Variants in DNAI4 observed in about 807,000 individuals in gnomAD.
DNAI4 encodes WD repeat domain 78.
Under a neutral mutation model 105.8 loss-of-function variants are expected in DNAI4, and 85 were observed. The observed-to-expected ratio is 0.80, with a 90% CI of 0.67 to 0.96. The LOEUF (loss-of-function observed/expected upper bound fraction) is 0.96. DNAI4 is among the 40% of genes least tolerant of loss of function. The probability of loss-of-function intolerance (pLI) is 0.00; values close to 1 mark genes in which losing one functional copy is unlikely to be tolerated. For synonymous variants in DNAI4, 352 were observed against 331.5 expected, an observed-to-expected ratio of 1.06 and a Z score of -0.67; for missense variants, 1,014 against 1,005.6, an observed-to-expected ratio of 1.01 and a Z score of -0.11.
intron 13 of DNAI4, among the ~76,000 whole-genome samples, chr1:66,829,033 T>C (rs1358590148): frequency 6.6e-6 from 1 of 152,154 alleles, no homozygotes; most frequent in Non-Finnish European, 1.5e-5. Context: ...GAACAACCTC[T>C]ATGTGGGAAA....
intron 1 of DNAI4, among the ~76,000 whole-genome samples, chr1:66,920,761 G>A (rs1224425930): frequency 6.6e-6 from 1 of 152,190 alleles, no homozygotes; most frequent in Non-Finnish European, 1.5e-5. Flanking sequence ...ATAATAATTA[G>A]ATTACAATGG....
chr1:66,837,496 T>C, intron 10 of DNAI4: 1 of 577,140 alleles, frequency 1.7e-6, no homozygotes, highest in Non-Finnish European at 3.0e-6. Context: ...ATAGTACACA[T>C]TCAATAAATA....
chr1:66,822,426 C>G lies in DNAI4; in HGVS notation c.2431G>C (p.Asp811His). The change falls in exon 16 of 17, where the codon GAC (aspartate) becomes CAC (histidine). Residue 811 changes from aspartate to histidine, a missense_variant. Coordinates refer to ENST00000371026, the MANE Select transcript of DNAI4 (RefSeq NM_024763.5). ...AKQTDCLLVG[D>H]SDGQVSVYEL... The stretch of plus-strand genomic sequence containing the variant: ...TACACAGAAACCTGTCCATCACTGT[C>G]TCCTACCAGAAGGCAATCTGTTTGT... 2 of 1,613,694 alleles carry G rather than the reference C, an allele frequency of 1.2e-6. No individual in the cohort carries two copies. The highest frequency in any genetic ancestry group is 1.7e-5 in the Admixed American group (1 of 59,956).
chr1:66,924,678 G>A lies in DNAI4; in HGVS notation c.154C>T (p.Gln52Ter). ...GGAACTTACAACCCGAAGTTCTGCTGCTTGTGACTGCCTGCCGGAGAGACT... is the reference window on the plus strand; with the variant it reads ...GGAACTTACAACCCGAAGTTCTGCTACTTGTGACTGCCTGCCGGAGAGACT... ...MPVSPAGSHK[Q>*]QNFGLNNATQ... The change falls in exon 1 of 17, where the codon CAG becomes TAG. Residue 52 changes from glutamine to a stop codon, truncating the protein, a stop_gained. Transcript: ENST00000371026. LOFTEE classifies it high-confidence loss of function. The A allele has an allele frequency of 1.2e-6, 2 of 1,614,248 alleles. No homozygotes were observed. The highest frequency in any genetic ancestry group is 1.7e-6 in the Non-Finnish European group (2 of 1,180,048).
intron 6 of DNAI4, chr1:66,871,149 T>C: frequency 2.1e-6 from 1 of 471,810 alleles, no homozygotes; most frequent in South Asian, 5.0e-5. Context: ...ATAGTATGCA[T>C]AAAAACCAAG....
At position 66,835,756 on chromosome 1, in the gene DNAI4, T is replaced by C. The variant is rs1479990737; in HGVS notation, c.1603A>G (p.Ser535Gly). 1.9e-6 allele frequency: 3 copies of C among 1,613,968 alleles called. No homozygotes were observed. The highest frequency in any genetic ancestry group is 2.7e-5 in the African/African-American group (2 of 74,928). The change falls in exon 11 of 17, where the codon AGT becomes GGT. Residue 535 changes from serine (S) to glycine (G), a missense_variant. Coordinates refer to ENST00000371026, the MANE Select transcript of DNAI4 (RefSeq NM_024763.5). Reference sequence around the variant, plus strand: ...TCCACAGCAGTAACTCCATATGGACTCTGATAAATACGTTCTGGCCACTAA... The same window carrying C: ...TCCACAGCAGTAACTCCATATGGACCCTGATAAATACGTTCTGGCCACTAA... ...NPMWPERIYQ[S>G]PYGVTAVDFS...
chr1:66,863,450 T>A (rs980451056), intron 6 of DNAI4, among the ~76,000 whole-genome samples: 13 of 152,214 alleles, frequency 8.5e-5, no homozygotes, highest in South Asian at 8.3e-4. Flanking sequence ...TTTTTTTGTT[T>A]GTTTATTTGT....
At chr1:66,839,433 TTC>T (rs776889899) in intron 9 of DNAI4, among the ~76,000 whole-genome samples, 13 of 152,210 alleles carry the variant, frequency 8.5e-5, no homozygotes, top group Non-Finnish European at 1.6e-4. Flanking sequence ...ATTATAGACT[TTC>T]TGTTTTTTAA....
intron 1 of DNAI4, among the ~76,000 whole-genome samples, chr1:66,906,762 C>T (rs893051601): frequency 1.3e-5 from 2 of 151,052 alleles, no homozygotes; most frequent in Non-Finnish European, 2.9e-5. Flanking sequence ...AAGGACTTAA[C>T]CCCCAACATC....
chr1:66,893,063 G>GAAAAAGAA (rs60123348), intron 3 of DNAI4, among the ~76,000 whole-genome samples, 166 bp downstream of exon 3: 1 of 89,542 alleles, frequency 1.1e-5, no homozygotes, highest in African/African-American at 4.9e-5. Flanking sequence ...AAGAGAGAGA[G>GAAAAAGAA]AGAAAGAAAG....
chr1:66,844,573 T>G (rs548345113), intron 8 of DNAI4, among the ~76,000 whole-genome samples: 1 of 151,638 alleles, frequency 6.6e-6, no homozygotes, highest in East Asian at 1.9e-4. Context: ...AAAAAATGAA[T>G]AAATAAATAA....
intron 1 of DNAI4, among the ~76,000 whole-genome samples, 179 bp from the exon 2 acceptor site, chr1:66,905,554 T>C (rs1027525836): frequency 6.6e-5 from 10 of 152,210 alleles, no homozygotes; most frequent in Non-Finnish European, 1.2e-4. Flanking sequence ...AGTTGGCATA[T>C]ATTACATCAC....
At chr1:66,876,360 CT>C (rs1157879397) in intron 4 of DNAI4, among the ~76,000 whole-genome samples, 2 of 152,088 alleles carry the variant, frequency 1.3e-5, no homozygotes, top group Non-Finnish European at 1.5e-5. Context: ...CCAGATCTTC[CT>C]TTGCAATTTA....
rs765501163 is a variant in DNAI4 at position 66,862,166 on chromosome 1, T to G, written c.1077A>C (p.Pro359=). The change falls in exon 7 of 17, where the codon CCA becomes CCC. Residue 359 remains proline (P), a synonymous_variant. Coordinates refer to ENST00000371026, the MANE Select transcript of DNAI4 (RefSeq NM_024763.5). The part of the protein sequence containing the change: ...VLPKDQDQRL[P]GSTTEKNSET... Reference sequence around the variant, plus strand: ...TCTTACTTTTTTCTGTAGTGCTCCCTGGCAATCTTTGGTCCTGATCTTTAG... The same window carrying G: ...TCTTACTTTTTTCTGTAGTGCTCCCGGGCAATCTTTGGTCCTGATCTTTAG... The G allele has an allele frequency of 3.2e-6, 5 of 1,585,286 alleles. No homozygotes were observed. In the South Asian group the frequency reaches 5.9e-5, roughly 19 times the overall value.
intron 16 of DNAI4, 67 bp from the exon 17 acceptor site, chr1:66,814,247 A>T: frequency 1.6e-6 from 2 of 1,256,298 alleles, no homozygotes; most frequent in East Asian, 4.7e-5. Flanking sequence ...GTAGTCTTTA[A>T]AATGCCATTT....
chr1:66,899,962 C>T (rs1648667814), intron 2 of DNAI4, among the ~76,000 whole-genome samples: 1 of 152,158 alleles, frequency 6.6e-6, no homozygotes, highest in Non-Finnish European at 1.5e-5. Context: ...ATTACTATTG[C>T]TTTGTAACTT....
At chr1:66,888,932 A>C (rs897808664) in intron 4 of DNAI4, among the ~76,000 whole-genome samples, 1 of 152,202 alleles carries the variant, frequency 6.6e-6, no homozygotes, top group Non-Finnish European at 1.5e-5. Context: ...GGATGCAATT[A>C]GTTGTGTTTC....
chr1:66,889,927 G>A (rs1044099350), intron 4 of DNAI4, among the ~76,000 whole-genome samples: 2 of 152,052 alleles, frequency 1.3e-5, no homozygotes, highest in African/African-American at 4.8e-5. Context: ...TTACCTCAAA[G>A]GATTTAATCA....
chr1:66,907,722 T>C (rs1466850537), intron 1 of DNAI4, among the ~76,000 whole-genome samples: 2 of 152,232 alleles, frequency 1.3e-5, no homozygotes, highest in African/African-American at 2.4e-5. Context: ...TCCATGAAGG[T>C]AATCCTTCAA....
Sources: allele counts gnomAD v4.1 joint callset (sites outside exome capture counted in the v4.1 genomes callset), GRCh38; gene constraint gnomAD v4.1.1; transcripts MANE v1.5; gene names NCBI Gene and HGNC (gene_info 2026-07-23, HGNC 2026-07-21).